CCDC73: variants seen among roughly 807,000 people sequenced by gnomAD.
CCDC73 encodes coiled-coil domain-containing protein 73.
Under a neutral mutation model 116.5 loss-of-function variants are expected in CCDC73, and 95 were observed. That is an observed-to-expected ratio of 0.82 (90% CI 0.69 to 0.97). CCDC73 has a LOEUF of 0.97. Among genes scored for constraint, CCDC73 ranks in the 50% least tolerant of loss-of-function variants. The probability of loss-of-function intolerance (pLI) is 0.00; values close to 1 mark genes in which losing one functional copy is unlikely to be tolerated. For missense variants in CCDC73, 1,066 were observed against 1,206.8 expected, an observed-to-expected ratio of 0.88 and a Z score of 1.73; for synonymous variants, 398 against 401.3, an observed-to-expected ratio of 0.99 and a Z score of 0.10.
chr11:32,803,585 G>A, the CCDC73 span, among the ~76,000 whole-genome samples: 13 of 152,142 alleles, frequency 8.5e-5, no homozygotes, highest in Non-Finnish European at 1.6e-4. Context: ...CTTGAACTTT[G>A]TATAGTGCCA....
At chr11:32,776,198 T>G (rs1850530977) in intron 1 of CCDC73, among the ~76,000 whole-genome samples, 1 of 152,188 alleles carries the variant, frequency 6.6e-6, no homozygotes, top group African/African-American at 2.4e-5. Flanking sequence ...CCTACTGCTA[T>G]CAATCTAGTC....
Position 32,608,688 on chromosome 11 carries a change from T to C in CCDC73, c.3030+2444A>G, listed in dbSNP as rs1285547119. On this transcript the variant is annotated intron_variant, in intron 17 of 17. Coordinates refer to ENST00000335185, the MANE Select transcript of CCDC73 (RefSeq NM_001008391.4). ...TCTATATGGGGGCTCTGACCCCACATTTCTCTTCCACATTGCCCTAGCAGA... is the reference window on the plus strand; with the variant it reads ...TCTATATGGGGGCTCTGACCCCACACTTCTCTTCCACATTGCCCTAGCAGA... Among the ~76,000 whole-genome samples the C allele has an allele frequency of 2.0e-5, 3 of 152,180 alleles. No homozygotes were observed. In the East Asian group the frequency reaches 5.8e-4, roughly 29 times the overall value.
At chr11:32,828,463 T>C in the CCDC73 span, among the ~76,000 whole-genome samples, 2 of 150,934 alleles carry the variant, frequency 1.3e-5, no homozygotes, top group African/African-American at 4.9e-5. Flanking sequence ...TAAGCCAAGA[T>C]TGTGCCACTG....
chr11:32,685,019 C>G (rs919755014), intron 6 of CCDC73, among the ~76,000 whole-genome samples: 1 of 151,938 alleles, frequency 6.6e-6, no homozygotes, highest in African/African-American at 2.4e-5. Flanking sequence ...AAGTTAAATG[C>G]CAACCAGCCA....
intron 1 of CCDC73, among the ~76,000 whole-genome samples, chr11:32,787,720 T>G (rs10458903): frequency 0.034 from 5,224 of 152,250 alleles, 125 homozygotes; most frequent in East Asian, 0.12. Context: ...AAAGTGAATC[T>G]TTGTGTGAAA....
At chr11:32,650,675 T>G (rs1053799859) in intron 12 of CCDC73, among the ~76,000 whole-genome samples, 2 of 152,124 alleles carry the variant, frequency 1.3e-5, no homozygotes, top group African/African-American at 4.8e-5. Context: ...GGTCTGACAT[T>G]AGGATACCAC....
chr11:32,613,732 C>A lies in CCDC73; in HGVS notation c.2586G>T (p.Gln862His), dbSNP rs1419249379. The A allele has an allele frequency of 1.2e-6, 2 of 1,614,064 alleles. No individual in the cohort carries two copies. Among genetic ancestry groups the A allele is most frequent in the Admixed American group, 1.7e-5 (1 of 60,028 alleles). Reference sequence around the variant, plus strand: ...TGTGAAATGAATGTGATTCCTCCAGCTGTCCTTCACTGAACATTTTTCCTG... The same window carrying A: ...TGTGAAATGAATGTGATTCCTCCAGATGTCCTTCACTGAACATTTTTCCTG... ...IVSGKMFSEG[Q>H]LEESHSFHIE... The change falls in exon 16 of 18, where the codon CAG becomes CAT. Residue 862 changes from glutamine (Q) to histidine (H), a missense_variant. Gln to His is a conservative substitution (Grantham distance 24). Transcript: ENST00000335185.
intron 2 of CCDC73, among the ~76,000 whole-genome samples, chr11:32,747,215 A>G (rs1474639798): frequency 6.6e-6 from 1 of 152,094 alleles, no homozygotes; most frequent in East Asian, 1.9e-4. Flanking sequence ...AGTTTGCTGG[A>G]GGTCCACTCC....
At chr11:32,756,836 C>A (rs1030699813) in intron 2 of CCDC73, among the ~76,000 whole-genome samples, 1 of 151,980 alleles carries the variant, frequency 6.6e-6, no homozygotes, top group Non-Finnish European at 1.5e-5. Flanking sequence ...ATAAAAAGAT[C>A]TCTTCAGAAA....
At chr11:32,629,469 C>T (rs1430908258) in intron 14 of CCDC73, among the ~76,000 whole-genome samples, 3 of 150,776 alleles carry the variant, frequency 2.0e-5, no homozygotes, top group South Asian at 2.1e-4. Flanking sequence ...GGCGCGATCT[C>T]GGCTCACCAC....
intron 2 of CCDC73, among the ~76,000 whole-genome samples, chr11:32,723,640 C>A (rs1381741481): frequency 6.6e-6 from 1 of 152,106 alleles, no homozygotes; most frequent in Non-Finnish European, 1.5e-5. Context: ...AAACTACTGC[C>A]TGAAGCAAAC....
At position 32,697,284 on chromosome 11, in the gene CCDC73, T is replaced by C. The variant is rs1398855704; in HGVS notation, c.390+1967A>G. On this transcript the variant is annotated intron_variant, in intron 6 of 17. Coordinates refer to ENST00000335185, the MANE Select transcript of CCDC73 (RefSeq NM_001008391.4). ...TCATACATTTTCTAAGAATAAGAACTTTCTTTTATATGATCATAATATTAT... is the reference window on the plus strand; with the variant it reads ...TCATACATTTTCTAAGAATAAGAACCTTCTTTTATATGATCATAATATTAT... Among the ~76,000 whole-genome samples the C allele has an allele frequency of 1.5e-4, 23 of 151,424 alleles. No homozygotes were observed. In the Admixed American group the frequency reaches 1.5e-3, roughly 10 times the overall value.
chr11:32,769,419 A>G (rs2133385524), intron 1 of CCDC73, among the ~76,000 whole-genome samples: 1 of 152,270 alleles, frequency 6.6e-6, no homozygotes, highest in Non-Finnish European at 1.5e-5. Flanking sequence ...TACCTCTCAT[A>G]TAGTAAGGTA....
intron 6 of CCDC73, among the ~76,000 whole-genome samples, chr11:32,684,780 C>G (rs907045873): frequency 6.6e-6 from 1 of 151,998 alleles, no homozygotes; most frequent in Non-Finnish European, 1.5e-5. Context: ...TCCAGGAGTT[C>G]AAAACCAACC....
intron 7 of CCDC73, among the ~76,000 whole-genome samples, chr11:32,677,392 A>G (rs1457141905): frequency 6.6e-6 from 1 of 152,194 alleles, no homozygotes; most frequent in East Asian, 1.9e-4. Context: ...AGGGCATATT[A>G]CTCAAAATAA....
At chr11:32,662,402 T>C (rs554356121) in intron 9 of CCDC73, among the ~76,000 whole-genome samples, 5 of 152,326 alleles carry the variant, frequency 3.3e-5, no homozygotes, top group Non-Finnish European at 7.4e-5. Context: ...TGGTATCTCA[T>C]TGTGGTTTTG....
chr11:32,789,655 C>T (rs1797595109), intron 1 of CCDC73, among the ~76,000 whole-genome samples: 1 of 152,096 alleles, frequency 6.6e-6, no homozygotes, highest in South Asian at 2.1e-4. Context: ...CACCTGTAGT[C>T]TCAGCTACTC....
intron 12 of CCDC73, among the ~76,000 whole-genome samples, chr11:32,652,865 A>AC: frequency 6.6e-6 from 1 of 152,230 alleles, no homozygotes; most frequent in Non-Finnish European, 1.5e-5. Context: ...CTGTTGTAAC[A>AC]GAGTGGATTT....
intron 1 of CCDC73, among the ~76,000 whole-genome samples, chr11:32,776,984 CACAT>C (rs1565099284): frequency 2.2e-4 from 16 of 72,812 alleles, no homozygotes; most frequent in Non-Finnish European, 4.5e-4. Context: ...TATATATATA[CACAT>C]GTATATATAT....
Sources: gnomAD v4.1 joint callset for allele counts (sites outside exome capture counted in the v4.1 genomes callset) on GRCh38, gnomAD v4.1.1 for gene constraint, MANE v1.5 for transcripts, NCBI Gene and HGNC (gene_info 2026-07-23, HGNC 2026-07-21) for gene names.